WDPCP: variants seen among roughly 807,000 people sequenced by gnomAD.
The protein encoded by WDPCP is WD repeat containing planar cell polarity effector.
In WDPCP, 71 loss-of-function variants were observed where a neutral mutation model predicts 93.1. The ratio of observed to expected loss-of-function variants is 0.76; its 90% CI spans 0.63 to 0.93. The LOEUF (loss-of-function observed/expected upper bound fraction) is 0.93, where lower values mean the gene tolerates loss of function less well. Among genes scored for constraint, WDPCP ranks in the 40% least tolerant of loss-of-function variants. The pLI is 0.00. For synonymous variants in WDPCP, 315 were observed against 315.0 expected (o/e 1.00, Z 0.00); for missense variants, 844 against 887.4 (o/e 0.95, Z 0.62).
intron 14 of WDPCP, among the ~76,000 whole-genome samples, chr2:63,258,973 G>A (rs1681375007): frequency 6.6e-6 from 1 of 152,008 alleles, no homozygotes; most frequent in African/African-American, 2.4e-5. Flanking sequence ...TATAAATAAA[G>A]GATTATATAA....
At chr2:63,210,161 T>C (rs1676658402) in intron 14 of WDPCP, among the ~76,000 whole-genome samples, 1 of 151,882 alleles carries the variant, frequency 6.6e-6, no homozygotes, top group Non-Finnish European at 1.5e-5. Flanking sequence ...ATTTACAGAA[T>C]ATACATATGT....
chr2:63,220,337 G>A (rs1161260592), intron 14 of WDPCP, among the ~76,000 whole-genome samples: 2 of 152,110 alleles, frequency 1.3e-5, no homozygotes, highest in Non-Finnish European at 2.9e-5. Flanking sequence ...AAAAAGAGAA[G>A]GGGGCTAAAT....
chr2:63,363,756 A>C (rs1014978085), intron 12 of WDPCP, among the ~76,000 whole-genome samples: 18 of 152,038 alleles, frequency 1.2e-4, no homozygotes, highest in African/African-American at 4.1e-4. Flanking sequence ...TTAACTACTT[A>C]ATGACTTTTA....
intron 14 of WDPCP, among the ~76,000 whole-genome samples, chr2:63,238,091 G>A (rs1406608741): frequency 6.0e-5 from 9 of 151,122 alleles, no homozygotes; most frequent in African/African-American, 2.2e-4. Flanking sequence ...GGTATATCAT[G>A]TGAACCTTTT....
chr2:63,467,136 G>A (rs1397172989), intron 6 of WDPCP, among the ~76,000 whole-genome samples: 1 of 152,156 alleles, frequency 6.6e-6, no homozygotes, highest in African/African-American at 2.4e-5. Context: ...ATTTTGGATT[G>A]AAGTAGTCAA....
intron 12 of WDPCP, among the ~76,000 whole-genome samples, chr2:63,336,767 C>A (rs72898321): frequency 0.03 from 4,593 of 151,642 alleles, 230 homozygotes; most frequent in African/African-American, 0.1. Context: ...ACCACCTTTA[C>A]TATTTTTACG....
intron 2 of WDPCP, among the ~76,000 whole-genome samples, chr2:63,789,657 G>T (rs145574219): frequency 1.8e-4 from 27 of 152,306 alleles, no homozygotes; most frequent in African/African-American, 5.3e-4. Context: ...TTACAGTCAA[G>T]AAACAATATT....
intron 6 of WDPCP, among the ~76,000 whole-genome samples, chr2:63,453,501 A>G (rs145970501): frequency 0.021 from 3,166 of 152,264 alleles, 65 homozygotes; most frequent in Admixed American, 0.054. Context: ...TGGTGGGACT[A>G]TAAACTAGTT....
rs773663574 is a variant in WDPCP, at chr2:63,382,098, T to C, written c.1436-4A>G. The C allele has an allele frequency of 3.4e-5, 55 of 1,611,628 alleles. No homozygotes were observed. The highest frequency in any genetic ancestry group is 4.4e-5 in the Non-Finnish European group (52 of 1,179,026). On this transcript the variant is annotated splice_region_variant and splice_polypyrimidine_tract_variant and intron_variant, in intron 10 of 17. Coordinates refer to ENST00000272321, the MANE Select transcript of WDPCP (RefSeq NM_015910.7). ...AGCTGTCCTCGAGTGAAGACGCCTA[T>C]CACAAAACATGGAAAACCAGGTGAA...
At chr2:63,703,716 T>A (rs924461519) in intron 2 of WDPCP, among the ~76,000 whole-genome samples, 6 of 152,184 alleles carry the variant, frequency 3.9e-5, no homozygotes, top group Non-Finnish European at 8.8e-5. Flanking sequence ...TGTAGTATAG[T>A]TTGAAGTCAG....
intron 10 of WDPCP, among the ~76,000 whole-genome samples, chr2:63,383,728 C>A (rs1045079890): frequency 1.3e-5 from 2 of 151,770 alleles, no homozygotes; most frequent in Admixed American, 6.6e-5. Flanking sequence ...ATCAATCAAT[C>A]AATAAAATTA....
intron 1 of WDPCP, among the ~76,000 whole-genome samples, chr2:63,815,922 A>T: frequency 6.6e-6 from 1 of 150,412 alleles, no homozygotes. Flanking sequence ...TTAATCAGGT[A>T]CTCCTGATAT....
At chr2:63,343,271 G>A (rs532455173) in intron 12 of WDPCP, among the ~76,000 whole-genome samples, 1 of 150,126 alleles carries the variant, frequency 6.7e-6, no homozygotes, top group South Asian at 2.1e-4. Flanking sequence ...GCCTCCCAAA[G>A]TGCTGGGATT....
intron 2 of WDPCP, among the ~76,000 whole-genome samples, chr2:63,787,792 C>T (rs1033357450): frequency 5.9e-5 from 9 of 152,118 alleles, no homozygotes; most frequent in African/African-American, 2.2e-4. Flanking sequence ...CTAATCCCAG[C>T]ACTTTGGGAG....
chr2:63,122,223 G>T (rs1669591882), intron 17 of WDPCP, among the ~76,000 whole-genome samples, 167 bp from the exon 18 acceptor site: 1 of 152,046 alleles, frequency 6.6e-6, no homozygotes, highest in Admixed American at 6.5e-5. Flanking sequence ...ACCTGACTTG[G>T]TCATCAAAAT....
intron 1 of WDPCP, among the ~76,000 whole-genome samples, chr2:63,503,473 G>A (rs960829026): frequency 6.6e-6 from 1 of 151,988 alleles, no homozygotes; most frequent in African/African-American, 2.4e-5. Flanking sequence ...ATCAGGCATT[G>A]GGGGGAGGTA....
intron 2 of WDPCP, among the ~76,000 whole-genome samples, chr2:63,681,560 C>T (rs1349779316): frequency 6.6e-6 from 1 of 152,182 alleles, no homozygotes; most frequent in Non-Finnish European, 1.5e-5. Flanking sequence ...AGGTTTTTGT[C>T]TCTAGTCCCT....
chr2:63,487,319 T>G (rs989237336), intron 3 of WDPCP, 128 bp downstream of exon 3: 3 of 651,370 alleles, frequency 4.6e-6, no homozygotes, highest in Non-Finnish European at 8.0e-6. Flanking sequence ...TCTAAAGAAC[T>G]GAAGGGACTT....
At chr2:63,321,386 CTGTGTGTGTGTGTGTG>C (rs59970085) in intron 12 of WDPCP, among the ~76,000 whole-genome samples, 12 of 148,526 alleles carry the variant, frequency 8.1e-5, no homozygotes, top group Admixed American at 2.0e-4. Flanking sequence ...TATATACACT[CTGTGTGTGTGTGTGTG>C]TGTGTGTGTG....
Sources: allele counts gnomAD v4.1 joint callset (sites outside exome capture counted in the v4.1 genomes callset), GRCh38; gene constraint gnomAD v4.1.1; transcripts MANE v1.5; gene names NCBI Gene and HGNC (gene_info 2026-07-23, HGNC 2026-07-21).